RREB1: variants seen among roughly 807,000 people sequenced by gnomAD.
RREB1 encodes the protein ras responsive element binding protein 1.
Under a neutral mutation model 117.8 loss-of-function variants are expected in RREB1, and 27 were observed. That is an observed-to-expected ratio of 0.23 (90% CI 0.17 to 0.32). The LOEUF is 0.32. Among genes scored for constraint, RREB1 ranks in the 10% least tolerant of loss-of-function variants. The pLI, the probability that RREB1 is intolerant of heterozygous loss-of-function variation, is 1.00. For synonymous variants in RREB1, 1,298 were observed against 1,026.7 expected (o/e 1.26, Z -5.05); for missense variants, 2,577 against 2,378.2 (o/e 1.08, Z -1.74).
intron 1 of RREB1, among the ~76,000 whole-genome samples, chr6:7,145,040 G>A (rs758758552): frequency 3.9e-5 from 6 of 152,128 alleles, no homozygotes; most frequent in Non-Finnish European, 7.4e-5. Flanking sequence ...TCGTCTCACC[G>A]TGTAGAGGGG....
At chr6:7,228,623 T>C (rs957329127) in intron 9 of RREB1, among the ~76,000 whole-genome samples, 10 of 151,338 alleles carry the variant, frequency 6.6e-5, no homozygotes, top group African/African-American at 2.4e-4. Flanking sequence ...TTTCCTGCCT[T>C]AGCCTCCCAA....
At chr6:7,199,687 G>A (rs924034783) in intron 6 of RREB1, among the ~76,000 whole-genome samples, 4 of 151,436 alleles carry the variant, frequency 2.6e-5, no homozygotes, top group Non-Finnish European at 4.4e-5. Context: ...GTTTTGAGAC[G>A]GGGTCTCACT....
chr6:7,119,579 G>A (rs1761575187), intron 1 of RREB1, among the ~76,000 whole-genome samples: 1 of 152,176 alleles, frequency 6.6e-6, no homozygotes, highest in Non-Finnish European at 1.5e-5. Flanking sequence ...TGAGGTTGGA[G>A]AGAGGTGTGC....
At chr6:7,155,165 A>C (rs537123983) in intron 1 of RREB1, among the ~76,000 whole-genome samples, 4 of 152,246 alleles carry the variant, frequency 2.6e-5, no homozygotes, top group Non-Finnish European at 5.9e-5. Context: ...CCCTGTTCTC[A>C]TCACCCTCCC....
At chr6:7,179,228 ACT>A (rs1051103344) in intron 2 of RREB1, among the ~76,000 whole-genome samples, 1 of 152,158 alleles carries the variant, frequency 6.6e-6, no homozygotes, top group African/African-American at 2.4e-5. Flanking sequence ...GCAAACTCTA[ACT>A]CTACCACATT....
At chr6:7,167,846 A>T in intron 1 of RREB1, among the ~76,000 whole-genome samples, 1 of 152,122 alleles carries the variant, frequency 6.6e-6, no homozygotes, top group East Asian at 1.9e-4. Context: ...ACTCCTTTGA[A>T]CCTATATTGT....
chr6:7,155,399 C>T (rs1007364650), intron 1 of RREB1, among the ~76,000 whole-genome samples: 3 of 152,204 alleles, frequency 2.0e-5, no homozygotes, highest in East Asian at 1.9e-4. Context: ...TTCCGTCTCC[C>T]GGGTTTAAGC....
chr6:7,231,837 C>G lies in RREB1; in HGVS notation c.3738C>G (p.Ile1246Met), dbSNP rs766780337. Reference protein sequence around the residue: ...RNSYTNCLQKITCPHCPRVFP... With the variant: ...RNSYTNCLQKMTCPHCPRVFP... ...CGTACACCAACTGCCTGCAGAAGAT[C>G]ACCTGTCCCCACTGTCCCCGGGTTT... The change falls in exon 10 of 13, where the codon ATC becomes ATG. Residue 1246 changes from isoleucine (I) to methionine (M), a missense_variant. Physicochemically the swap from Ile to Met is conservative, Grantham distance 10. Transcript: ENST00000379938. 183 of 1,613,578 alleles carry G rather than the reference C, an allele frequency of 1.1e-4. No individual in the cohort carries two copies. The highest frequency in any genetic ancestry group is 1.5e-4 in the Non-Finnish European group (180 of 1,180,024).
At chr6:7,157,554 C>T (rs1366426173) in intron 1 of RREB1, among the ~76,000 whole-genome samples, 2 of 151,106 alleles carry the variant, frequency 1.3e-5, no homozygotes, top group Admixed American at 6.6e-5. Context: ...GTGGATTGCT[C>T]GAGCCCAGGA....
intron 9 of RREB1, among the ~76,000 whole-genome samples, chr6:7,226,881 A>G (rs890257057): frequency 2.0e-5 from 3 of 152,154 alleles, no homozygotes; most frequent in African/African-American, 4.8e-5. Context: ...TGAATATCCT[A>G]TGAACTGTGC....
intron 6 of RREB1, among the ~76,000 whole-genome samples, chr6:7,202,186 C>T (rs954754487): frequency 2.0e-5 from 3 of 152,158 alleles, no homozygotes; most frequent in South Asian, 2.1e-4. Flanking sequence ...CACTCGCCCA[C>T]GGCACCTTCC....
intron 1 of RREB1, among the ~76,000 whole-genome samples, chr6:7,132,490 T>TA (rs1204854007): frequency 1.3e-5 from 2 of 152,248 alleles, no homozygotes; most frequent in Non-Finnish European, 2.9e-5. Flanking sequence ...TTAAGCATTT[T>TA]ATTCACTGAT....
chr6:7,202,490 C>A (rs1766041953), intron 6 of RREB1, among the ~76,000 whole-genome samples: 1 of 152,158 alleles, frequency 6.6e-6, no homozygotes, highest in Admixed American at 6.5e-5. Context: ...AGTCGTTGCC[C>A]TGGGAAGCTG....
At chr6:7,137,248 A>C (rs1762379908) in intron 1 of RREB1, among the ~76,000 whole-genome samples, 1 of 152,154 alleles carries the variant, frequency 6.6e-6, no homozygotes, top group Non-Finnish European at 1.5e-5. Flanking sequence ...GCTAGACCTG[A>C]TGCCTCTCCC....
chr6:7,134,575 A>G (rs1030047651), intron 1 of RREB1, among the ~76,000 whole-genome samples: 2 of 152,220 alleles, frequency 1.3e-5, no homozygotes, highest in African/African-American at 2.4e-5. Flanking sequence ...GATTCTGTTG[A>G]GAAGCTCTAA....
chr6:7,171,359 C>G (rs1336224443), intron 1 of RREB1, among the ~76,000 whole-genome samples: 1 of 152,116 alleles, frequency 6.6e-6, no homozygotes, highest in Non-Finnish European at 1.5e-5. Context: ...AATGGAAAGC[C>G]AGGTGCAGAG....
intron 4 of RREB1, chr6:7,184,912 A>G (rs1030751982): frequency 1.3e-5 from 2 of 151,660 alleles, no homozygotes; most frequent in Non-Finnish European, 2.9e-5. Flanking sequence ...CCTATCTACT[A>G]ATTTGACAAC....
chr6:7,154,351 G>A (rs917027461), intron 1 of RREB1, among the ~76,000 whole-genome samples: 2 of 152,184 alleles, frequency 1.3e-5, no homozygotes, highest in Non-Finnish European at 2.9e-5. Flanking sequence ...GTTATCATAA[G>A]CTCTCCAGGT....
intron 8 of RREB1, chr6:7,216,249 G>A (rs900930471): frequency 6.6e-6 from 1 of 152,252 alleles, no homozygotes; most frequent in Non-Finnish European, 1.5e-5. Flanking sequence ...CAGGGCCCAG[G>A]AGGGCACATT....
Sources: allele counts gnomAD v4.1 joint callset (sites outside exome capture counted in the v4.1 genomes callset), GRCh38; gene constraint gnomAD v4.1.1; transcripts MANE v1.5; gene names NCBI Gene and HGNC (gene_info 2026-07-23, HGNC 2026-07-21).